Variants in SATB2 observed in about 807,000 individuals in gnomAD.
SATB2 encodes DNA-binding protein SATB2.
SATB2 carries 1 observed loss-of-function variant against 73.4 expected under a neutral mutation model. The observed-to-expected ratio is 0.01, with a 90% CI of 0.00 to 0.06. The LOEUF (loss-of-function observed/expected upper bound fraction) is 0.06. SATB2 is among the 10% of genes least tolerant of loss of function. The pLI is 1.00. For synonymous variants in SATB2, 397 were observed against 367.0 expected, an observed-to-expected ratio of 1.08 and a Z score of -0.93; for missense variants, 459 against 945.8, an observed-to-expected ratio of 0.49 and a Z score of 6.75.
At chr2:199,433,907 A>G (rs1244604662) in intron 2 of SATB2, among the ~76,000 whole-genome samples, 1 of 152,072 alleles carries the variant, frequency 6.6e-6, no homozygotes, top group East Asian at 1.9e-4. Context: ...CAGTTGTAAT[A>G]AATATATTAC....
Position 199,349,151 on chromosome 2 carries a change from G to A in SATB2, c.723C>T (p.Asn241=), listed in dbSNP as rs752232729. Residue 241 remains asparagine, a synonymous_variant, in exon 7 of 11, where the codon AAC becomes AAT. Transcript: ENST00000417098. ...KIKVERVERE[N]LSDYCVLGQR... is the part of the protein sequence containing the mutation. ...GGCCCAGAACACAATAGTCTGAAAG[G>A]TTTTCTCGTTCCACTCTTTCCACTG... is the stretch of plus-strand genomic sequence containing the variant. The A allele has an allele frequency of 6.2e-7, 1 of 1,613,354 alleles. No individual in the cohort carries two copies. Among genetic ancestry groups the A allele is most frequent in the Admixed American group, 1.7e-5 (1 of 59,942 alleles).
At chr2:199,320,206 C>T (rs1339702379) in intron 9 of SATB2, among the ~76,000 whole-genome samples, 1 of 152,068 alleles carries the variant, frequency 6.6e-6, no homozygotes, top group Non-Finnish European at 1.5e-5. Context: ...ACAGAAAACG[C>T]TCCATATGCC....
chr2:199,296,404 A>C (rs1223650573), intron 10 of SATB2, among the ~76,000 whole-genome samples: 1 of 152,174 alleles, frequency 6.6e-6, no homozygotes, highest in Non-Finnish European at 1.5e-5. Flanking sequence ...AAAACAGTAG[A>C]TGGAGTCCAG....
At chr2:199,362,973 C>T (rs988977071) in intron 6 of SATB2, among the ~76,000 whole-genome samples, 2 of 152,124 alleles carry the variant, frequency 1.3e-5, no homozygotes, top group African/African-American at 4.8e-5. Flanking sequence ...AGATTGCAAG[C>T]TCATTTCTTT....
intron 6 of SATB2, among the ~76,000 whole-genome samples, chr2:199,355,913 AAGAT>A (rs1198447440): frequency 3.9e-5 from 6 of 152,178 alleles, no homozygotes; most frequent in Admixed American, 6.6e-5. Flanking sequence ...TACTGCAAAA[AAGAT>A]AGATAATATT....
At chr2:199,408,022 G>A (rs1018009778) in intron 3 of SATB2, among the ~76,000 whole-genome samples, 12 of 152,126 alleles carry the variant, frequency 7.9e-5, no homozygotes, top group African/African-American at 2.9e-4. Flanking sequence ...AAAAATACGT[G>A]AGAAAGCCTT....
At chr2:199,289,645 A>C (rs1256526412) in intron 10 of SATB2, among the ~76,000 whole-genome samples, 8 of 152,294 alleles carry the variant, frequency 5.3e-5, no homozygotes, top group Admixed American at 5.2e-4. Flanking sequence ...GATTTAATTT[A>C]ATAGCTGAGA....
chr2:199,378,370 A>G (rs1387296024), intron 5 of SATB2, among the ~76,000 whole-genome samples: 1 of 152,272 alleles, frequency 6.6e-6, no homozygotes, highest in African/African-American at 2.4e-5. Flanking sequence ...AATGATTGTG[A>G]AATTTGGGAA....
chr2:199,407,191 T>G (rs1374933850), intron 3 of SATB2, among the ~76,000 whole-genome samples: 1 of 144,172 alleles, frequency 6.9e-6, no homozygotes, highest in Non-Finnish European at 1.5e-5. Flanking sequence ...GAGGCTGAGG[T>G]AGGAGAATCA....
Position 199,308,131 on chromosome 2 carries a change from T to C in SATB2, c.1740+629A>G, listed in dbSNP as rs1326021422. Among the ~76,000 whole-genome samples, 1 of 152,132 alleles carries C rather than the reference T, an allele frequency of 6.6e-6. No homozygotes were observed. The highest frequency in any genetic ancestry group is 1.5e-5 in the Non-Finnish European group (1 of 68,018). On this transcript the variant is annotated intron_variant, in intron 10 of 10. Transcript: ENST00000417098. This position sits in a 1 kb window ranked among gnomAD's most constrained non-coding sequence, Gnocchi z 4.6. ...AGTGTCAGTAGTTAAACTCAATTAC[T>C]ATGGCAAAGCAATATTATTTCTCTC...
intron 3 of SATB2, among the ~76,000 whole-genome samples, chr2:199,410,183 C>T (rs1690769722): frequency 6.6e-6 from 1 of 152,200 alleles, no homozygotes; most frequent in African/African-American, 2.4e-5. Context: ...GGCACAGATT[C>T]TTCTCTCTGC....
At chr2:199,317,002 A>G (rs1687753779) in intron 9 of SATB2, among the ~76,000 whole-genome samples, 1 of 151,816 alleles carries the variant, frequency 6.6e-6, no homozygotes, top group Non-Finnish European at 1.5e-5. Flanking sequence ...GTGACGTATC[A>G]CTGTATATTG....
At chr2:199,467,639 A>G (rs1397797870), upstream of SATB2, 2 of 152,344 alleles carry the variant, frequency 1.3e-5, no homozygotes, top group African/African-American at 2.4e-5. Context: ...ACTAGCACAC[A>G]CTAGTCTTGC....
At chr2:199,282,274 G>T (rs4673308) in intron 10 of SATB2, among the ~76,000 whole-genome samples, 143,772 of 152,186 alleles carry the variant, frequency 0.94, 68,457 homozygotes, top group East Asian at 1. Context: ...TTTAGCAAAA[G>T]AATGTTTAAA....
chr2:199,393,387 C>G (rs534761439), intron 3 of SATB2, among the ~76,000 whole-genome samples: 86 of 152,242 alleles, frequency 5.6e-4, no homozygotes, highest in Non-Finnish European at 9.0e-4. Flanking sequence ...TTCTGCCAAC[C>G]CCCAACATAT....
rs539267823 is a variant in SATB2, at chr2:199,420,374, G to C, written c.346+12964C>G. On this transcript the variant is annotated intron_variant, in intron 3 of 10. Transcript: ENST00000417098. ...TGTTTTTAGGACTAAATGGACATAA[G>C]AATCTAGTGAGACTATGTCTTAAGG... is the stretch of plus-strand genomic sequence containing the variant. Among the ~76,000 whole-genome samples, 115 of 152,208 alleles carry C rather than the reference G, an allele frequency of 7.6e-4. No homozygotes were observed. The Middle Eastern group carries it at 0.014, about 18-fold the overall frequency.
At chr2:199,432,561 C>A (rs982856707) in intron 3 of SATB2, among the ~76,000 whole-genome samples, 2 of 152,088 alleles carry the variant, frequency 1.3e-5, no homozygotes, top group Non-Finnish European at 2.9e-5. Flanking sequence ...TGGTTATAAC[C>A]ATAATCATAA....
At chr2:199,351,142 T>A (rs1021342466) in intron 6 of SATB2, among the ~76,000 whole-genome samples, 1 of 150,272 alleles carries the variant, frequency 6.7e-6, no homozygotes, top group Non-Finnish European at 1.5e-5. Context: ...TCTAACTTAA[T>A]CCTTACAATG....
At chr2:199,274,889 T>G (rs1320249297) in intron 10 of SATB2, among the ~76,000 whole-genome samples, 2 of 152,032 alleles carry the variant, frequency 1.3e-5, no homozygotes, top group African/African-American at 4.8e-5. Context: ...AGAAGGATAT[T>G]TGCTCTGAGG....
Sources: allele counts gnomAD v4.1 joint callset (sites outside exome capture counted in the v4.1 genomes callset), GRCh38; gene constraint gnomAD v4.1.1; non-coding constraint Gnocchi (gnomAD v3.1); transcripts MANE v1.5; gene names NCBI Gene and HGNC (gene_info 2026-07-23, HGNC 2026-07-21).